GRIK1: variants seen among roughly 807,000 people sequenced by gnomAD.
GRIK1 encodes the protein glutamate ionotropic receptor kainate type subunit 1.
A neutral mutation model predicts 105.7 loss-of-function variants in GRIK1; 69 were observed. That is an observed-to-expected ratio of 0.65 (90% confidence interval 0.54 to 0.80). The LOEUF (loss-of-function observed/expected upper bound fraction) is 0.80, where lower values mean the gene tolerates loss of function less well. Ranked by LOEUF, GRIK1 falls within the 30% of genes least tolerant of loss-of-function variation. The pLI, the probability that GRIK1 is intolerant of heterozygous loss-of-function variation, is 0.00. For synonymous variants in GRIK1, 438 were observed against 431.3 expected, an observed-to-expected ratio of 1.02 and a Z score of -0.19; for missense variants, 1,109 against 1,167.3, an observed-to-expected ratio of 0.95 and a Z score of 0.73.
chr21:29,621,718 T>C (rs2062007201), intron 7 of GRIK1, among the ~76,000 whole-genome samples: 1 of 152,140 alleles, frequency 6.6e-6, no homozygotes, highest in Non-Finnish European at 1.5e-5. Context: ...AAATGGTCTT[T>C]TTTCCCAGTA....
intron 1 of GRIK1, among the ~76,000 whole-genome samples, chr21:29,917,503 T>G (rs551912256): frequency 6.6e-6 from 1 of 152,172 alleles, no homozygotes; most frequent in Admixed American, 6.6e-5. Flanking sequence ...ATGACACAAT[T>G]TAATCCCACA....
chr21:29,559,072 G>A (rs1361088920), intron 15 of GRIK1, among the ~76,000 whole-genome samples: 1 of 152,142 alleles, frequency 6.6e-6, no homozygotes, highest in Non-Finnish European at 1.5e-5. Flanking sequence ...GGGTTATGAG[G>A]TGGGAGATAG....
chr21:29,876,477 C>G (rs979730604), intron 1 of GRIK1, among the ~76,000 whole-genome samples: 8 of 152,124 alleles, frequency 5.3e-5, no homozygotes, highest in Admixed American at 5.2e-4. Flanking sequence ...GAATCTACCC[C>G]CTACTGGTGT....
intron 1 of GRIK1, among the ~76,000 whole-genome samples, chr21:29,903,650 G>A (rs2070496057): frequency 6.6e-6 from 1 of 152,174 alleles, no homozygotes; most frequent in Non-Finnish European, 1.5e-5. Context: ...TGGAGAGGTT[G>A]TGGAAAAATA....
At chr21:29,690,326 C>G (rs926558843) in intron 2 of GRIK1, among the ~76,000 whole-genome samples, 3 of 152,190 alleles carry the variant, frequency 2.0e-5, no homozygotes, top group Admixed American at 6.5e-5. Context: ...TAGTTACCAA[C>G]AAGCCCTTTG....
chr21:29,788,029 A>G (rs537943225), intron 1 of GRIK1, among the ~76,000 whole-genome samples: 2 of 152,324 alleles, frequency 1.3e-5, no homozygotes, highest in South Asian at 4.1e-4. Context: ...TTGTTCATTT[A>G]TGTAATCATT....
At chr21:29,627,685 G>T (rs1329910896) in intron 7 of GRIK1, among the ~76,000 whole-genome samples, 2 of 152,134 alleles carry the variant, frequency 1.3e-5, no homozygotes, top group Non-Finnish European at 2.9e-5. Context: ...TTTGAATTTT[G>T]AAGGCTTTCC....
chr21:29,568,499 A>G (rs2090663415), intron 14 of GRIK1, among the ~76,000 whole-genome samples: 1 of 152,210 alleles, frequency 6.6e-6, no homozygotes, highest in African/African-American at 2.4e-5. Context: ...CAGCTGGTCC[A>G]AAGTCCCTAG....
At chr21:29,799,617 C>A (rs1219364201) in intron 1 of GRIK1, among the ~76,000 whole-genome samples, 1 of 152,228 alleles carries the variant, frequency 6.6e-6, no homozygotes, top group Non-Finnish European at 1.5e-5. Flanking sequence ...GCAACCTCTG[C>A]CTCCTGGGTT....
intron 6 of GRIK1, among the ~76,000 whole-genome samples, chr21:29,646,749 A>T (rs1243541957): frequency 1.3e-5 from 2 of 152,210 alleles, no homozygotes; most frequent in Non-Finnish European, 2.9e-5. Flanking sequence ...GGTCCCAGAT[A>T]AGATTCCATC....
intron 14 of GRIK1, among the ~76,000 whole-genome samples, chr21:29,575,535 T>TA (rs202176701): frequency 0.03 from 4,518 of 151,330 alleles, 98 homozygotes; most frequent in African/African-American, 0.039. Flanking sequence ...AAAGATTATT[T>TA]AAAAAAAAAT....
At chr21:29,734,224 T>G (rs1412101562) in intron 1 of GRIK1, among the ~76,000 whole-genome samples, 2 of 152,150 alleles carry the variant, frequency 1.3e-5, no homozygotes, top group African/African-American at 4.8e-5. Flanking sequence ...GCTACTGGCC[T>G]TCCTTTCTAG....
chr21:29,662,200 G>A (rs1020613603), intron 4 of GRIK1, among the ~76,000 whole-genome samples: 5 of 152,226 alleles, frequency 3.3e-5, no homozygotes, highest in Admixed American at 1.3e-4. Flanking sequence ...TAGCTTGGAA[G>A]ATGATCCTAC....
chr21:29,781,657 C>CTTTTTTTTTT (rs71191125), intron 1 of GRIK1, among the ~76,000 whole-genome samples: 66 of 69,268 alleles, frequency 9.5e-4, no homozygotes, highest in Admixed American at 1.2e-3. Context: ...CCTACTGTTT[C>CTTTTTTTTTT]TTTTTTTTTT....
chr21:29,559,542 A>T (rs2090341971), intron 15 of GRIK1, among the ~76,000 whole-genome samples: 1 of 152,220 alleles, frequency 6.6e-6, no homozygotes. Context: ...CTTCTAGCCC[A>T]ATCATTCTGC....
At chr21:29,849,148 T>C (rs2068229543) in intron 1 of GRIK1, among the ~76,000 whole-genome samples, 1 of 151,430 alleles carries the variant, frequency 6.6e-6, no homozygotes. Flanking sequence ...CCAGACTGTA[T>C]TGTACTTCCT....
At chr21:29,753,343 C>T (rs1339388478) in intron 1 of GRIK1, among the ~76,000 whole-genome samples, 1 of 152,118 alleles carries the variant, frequency 6.6e-6, no homozygotes, top group Non-Finnish European at 1.5e-5. Flanking sequence ...TTTTCTTTTT[C>T]TCTCTGGGAA....
chr21:29,864,333 CCT>C (rs1240727359), intron 1 of GRIK1, among the ~76,000 whole-genome samples: 1 of 151,810 alleles, frequency 6.6e-6, no homozygotes, highest in African/African-American at 2.4e-5. Flanking sequence ...GCAGGGAATT[CCT>C]CTCTCTCTGT....
chr21:29,742,520 T>C (rs1181310485), intron 1 of GRIK1, among the ~76,000 whole-genome samples: 1 of 152,198 alleles, frequency 6.6e-6, no homozygotes, highest in African/African-American at 2.4e-5. Flanking sequence ...CACGGAACAT[T>C]AATCAATGCT....
Sources: gnomAD v4.1 joint callset for allele counts (sites outside exome capture counted in the v4.1 genomes callset) on GRCh38, gnomAD v4.1.1 for gene constraint, MANE v1.5 for transcripts, NCBI Gene and HGNC (gene_info 2026-07-23, HGNC 2026-07-21) for gene names.